MAP2K1: variants seen among roughly 807,000 people sequenced by gnomAD.
MAP2K1 encodes the protein mitogen-activated protein kinase kinase 1.
Under a neutral mutation model 46.3 loss-of-function variants are expected in MAP2K1, and 16 were observed. That is an observed-to-expected ratio of 0.35 (90% confidence interval 0.23 to 0.52). MAP2K1 has a LOEUF of 0.52. Among genes scored for constraint, MAP2K1 ranks in the 20% least tolerant of loss-of-function variants. The pLI, the probability that MAP2K1 is intolerant of heterozygous loss-of-function variation, is 0.94. For synonymous variants in MAP2K1, 183 were observed against 185.6 expected (o/e 0.99, Z 0.11); for missense variants, 263 against 497.1 (o/e 0.53, Z 4.48).
chr15:66,429,028 C>T (rs1023064180), intron 1 of MAP2K1, among the ~76,000 whole-genome samples: 13 of 152,014 alleles, frequency 8.6e-5, no homozygotes, highest in Non-Finnish European at 5.9e-5. Flanking sequence ...GATCCTCCCG[C>T]CTCGGCCTCC....
At chr15:66,442,987 G>A (rs1234545477) in intron 3 of MAP2K1, among the ~76,000 whole-genome samples, 1 of 151,918 alleles carries the variant, frequency 6.6e-6, no homozygotes, top group African/African-American at 2.4e-5. Flanking sequence ...AAGCTTCCAT[G>A]CCTTCCCTGG....
intron 5 of MAP2K1, among the ~76,000 whole-genome samples, chr15:66,447,191 A>G (rs953498155): frequency 2.7e-5 from 4 of 150,222 alleles, no homozygotes; most frequent in African/African-American, 9.8e-5. Context: ...CACCTTTGAC[A>G]TGGCTGACTC....
intron 1 of MAP2K1, among the ~76,000 whole-genome samples, chr15:66,416,376 A>T (rs545851177): frequency 2.2e-4 from 33 of 147,120 alleles, no homozygotes; most frequent in African/African-American, 7.6e-4. Flanking sequence ...ACACCCACCC[A>T]CACACCCACC....
chr15:66,397,389 A>G (rs1019610271), intron 1 of MAP2K1, among the ~76,000 whole-genome samples: 2 of 152,188 alleles, frequency 1.3e-5, no homozygotes, highest in African/African-American at 4.8e-5. Context: ...AAGGCTGGTA[A>G]TAAGAAACCC....
intron 1 of MAP2K1, among the ~76,000 whole-genome samples, chr15:66,389,668 G>A (rs1368283125): frequency 1.4e-5 from 2 of 142,548 alleles, no homozygotes; most frequent in African/African-American, 2.7e-5. Context: ...TCCACCTCCC[G>A]GCTTCAAGCG....
At chr15:66,473,007 C>G (rs1432861081) in intron 5 of MAP2K1, among the ~76,000 whole-genome samples, 1 of 152,220 alleles carries the variant, frequency 6.6e-6, no homozygotes, top group African/African-American at 2.4e-5. Flanking sequence ...CAGGTCAAAA[C>G]AGATTTTTAG....
chr15:66,414,887 C>T (rs781092786), intron 1 of MAP2K1: 14 of 320,778 alleles, frequency 4.4e-5, no homozygotes, highest in South Asian at 1.0e-4. Context: ...TGGAGGGGCT[C>T]GGGCCAAGAA....
intron 5 of MAP2K1, among the ~76,000 whole-genome samples, chr15:66,466,705 C>T (rs909437584): frequency 6.6e-6 from 1 of 152,028 alleles, no homozygotes; most frequent in African/African-American, 2.4e-5. Flanking sequence ...TTGTTAAAAC[C>T]TGTCAATAGC....
chr15:66,464,931 G>T (rs1286854705), intron 5 of MAP2K1, among the ~76,000 whole-genome samples: 1 of 151,764 alleles, frequency 6.6e-6, no homozygotes, highest in Non-Finnish European at 1.5e-5. Context: ...GAATCTAACA[G>T]GTGTACTATA....
At chr15:66,400,280 T>TC (rs1420334983) in intron 1 of MAP2K1, among the ~76,000 whole-genome samples, 1 of 151,132 alleles carries the variant, frequency 6.6e-6, no homozygotes, top group Non-Finnish European at 1.5e-5. Context: ...TGGCTCAACC[T>TC]CCCAAAGTGC....
chr15:66,395,657 A>G (rs926758086), intron 1 of MAP2K1, among the ~76,000 whole-genome samples: 4 of 147,716 alleles, frequency 2.7e-5, no homozygotes, highest in African/African-American at 1.0e-4. Flanking sequence ...GCTCACTGCA[A>G]CCTCTGCCCA....
intron 1 of MAP2K1, among the ~76,000 whole-genome samples, chr15:66,414,672 T>A (rs2093420352): frequency 1.3e-5 from 2 of 152,076 alleles, no homozygotes; most frequent in East Asian, 3.9e-4. Context: ...TTGAACTGAA[T>A]CTCTAGCCCT....
intron 1 of MAP2K1, among the ~76,000 whole-genome samples, chr15:66,389,677 C>T (rs1202067754): frequency 6.8e-6 from 1 of 147,560 alleles, no homozygotes; most frequent in Non-Finnish European, 1.5e-5. Context: ...CGGCTTCAAG[C>T]GATTCTCCTG....
intron 1 of MAP2K1, among the ~76,000 whole-genome samples, chr15:66,407,982 T>TA (rs1307779155): frequency 6.6e-6 from 1 of 152,260 alleles, no homozygotes; most frequent in Non-Finnish European, 1.5e-5. Context: ...AAAGGCTTTG[T>TA]AGCCAGCAGA....
intron 5 of MAP2K1, among the ~76,000 whole-genome samples, chr15:66,445,583 C>T (rs148776051): frequency 7.7e-4 from 118 of 152,290 alleles, no homozygotes; most frequent in African/African-American, 2.5e-3. Flanking sequence ...AAATGTCCTT[C>T]AACAGGCAAA....
At chr15:66,460,696 G>A (rs182248111) in intron 5 of MAP2K1, among the ~76,000 whole-genome samples, 243 of 152,292 alleles carry the variant, frequency 1.6e-3, no homozygotes, top group Middle Eastern at 0.014. Flanking sequence ...GGACTCTACT[G>A]TTACGGCTAA....
At chr15:66,423,399 C>G (rs866547840) in intron 1 of MAP2K1, among the ~76,000 whole-genome samples, 1 of 151,536 alleles carries the variant, frequency 6.6e-6, no homozygotes, top group Non-Finnish European at 1.5e-5. Context: ...TGTTCCCCCC[C>G]ATCCCACTTC....
chr15:66,467,205 G>T (rs994014073), intron 5 of MAP2K1, among the ~76,000 whole-genome samples: 7 of 152,082 alleles, frequency 4.6e-5, no homozygotes, highest in African/African-American at 1.4e-4. Flanking sequence ...TTGCATTCCA[G>T]CCTGGTCAAC....
intron 1 of MAP2K1, among the ~76,000 whole-genome samples, chr15:66,387,984 T>G (rs1050380906): frequency 6.6e-6 from 1 of 152,210 alleles, no homozygotes; most frequent in African/African-American, 2.4e-5. Flanking sequence ...TTGCTGACTT[T>G]GGAGGTTCCT....
Sources: gnomAD v4.1 joint callset for allele counts (sites outside exome capture counted in the v4.1 genomes callset) on GRCh38, gnomAD v4.1.1 for gene constraint, MANE v1.5 for transcripts, NCBI Gene and HGNC (gene_info 2026-07-23, HGNC 2026-07-21) for gene names.